The following ERC1 variants were observed in gnomAD, a reference collection of about 807,000 sequenced individuals.
The protein encoded by ERC1 is RAB6 interacting protein 2.
ERC1 carries 56 observed loss-of-function variants against 132.0 expected under a neutral mutation model. That is an observed-to-expected ratio of 0.42 (90% CI 0.34 to 0.53). The LOEUF is 0.53. Among genes scored for constraint, ERC1 ranks in the 20% least tolerant of loss-of-function variants. ERC1 has a pLI of 0.03. For missense variants in ERC1, 1,202 were observed against 1,349.9 expected (o/e 0.89, Z 1.72); for synonymous variants, 478 against 476.1 (o/e 1.00, Z -0.05).
chr12:1,354,151 G>A (rs1054359039), intron 15 of ERC1, among the ~76,000 whole-genome samples: 2 of 151,296 alleles, frequency 1.3e-5, no homozygotes, highest in African/African-American at 4.9e-5. Context: ...GTCTTTAATC[G>A]GGTCCTGATT....
At chr12:1,039,355 A>T (rs762128108) in intron 2 of ERC1, among the ~76,000 whole-genome samples, 4,173 of 147,188 alleles carry the variant, frequency 0.028, 107 homozygotes, top group African/African-American at 0.067. Context: ...AAAAAAAATA[A>T]AAATAAATAA....
rs370287516 is a variant in ERC1, at chr12:1,028,204, G to A, written c.301G>A (p.Gly101Ser). The stretch of plus-strand genomic sequence containing the variant: ...CCGTTCTGGGGGACGTCTGCCTTAC[G>A]GTGTTCGGATGACTGCTATGGGTAG... ...LGRSGGRLPY[G>S]VRMTAMGSSP... is the part of the protein sequence containing the mutation. The change falls in exon 2 of 19, where the codon GGT (glycine) becomes AGT (serine). Residue 101 changes from glycine (G) to serine (S), a missense_variant. Coordinates refer to ENST00000360905, the MANE Select transcript of ERC1 (RefSeq NM_178040.4). 6 of 1,614,178 alleles carry A rather than the reference G, an allele frequency of 3.7e-6. No individual in the cohort carries two copies. Among genetic ancestry groups the A allele is most frequent in the African/African-American group, 1.3e-5 (1 of 75,026 alleles).
rs201370363 is a variant in ERC1, at chr12:1,155,870, A to AT, written c.1737+14083_1737+14084insT. 5.5e-3 allele frequency among the ~76,000 whole-genome samples: 835 copies of AT among 152,046 alleles called. 7 individuals carry two copies. The highest frequency in any genetic ancestry group is 0.017 in the African/African-American group (699 of 41,486). On this transcript the variant is annotated intron_variant, in intron 8 of 18. Transcript: ENST00000360905. ...AGTAATATGTGTTCAAGGTAAAAAA[A>AT]AAATAAATAAATAAAAATAAAAATT...
chr12:1,309,366 A>G (rs2154349080), intron 15 of ERC1, among the ~76,000 whole-genome samples: 1 of 152,366 alleles, frequency 6.6e-6, no homozygotes, highest in African/African-American at 2.4e-5. Flanking sequence ...GGGGTGCTGC[A>G]GTGCACAATT....
Position 1,391,232 on chromosome 12 carries a change from A to AAGAATGGGGTGCTGCAATAT in ERC1, c.2926-16902_2926-16901insAATATAGAATGGGGTGCTGC, listed in dbSNP as rs1304518458. 1.2e-4 allele frequency: 18 copies of AAGAATGGGGTGCTGCAATAT among 152,228 alleles called. 1 individual carries two copies. Among genetic ancestry groups the AAGAATGGGGTGCTGCAATAT allele is most frequent in the African/African-American group, 4.3e-4 (18 of 41,526 alleles). The allele number at this position is 152,228 out of a possible 1,614,324, so 9.4% of individuals were successfully genotyped here. On this transcript the variant is annotated intron_variant, in intron 16 of 18. Coordinates refer to ENST00000360905, the MANE Select transcript of ERC1 (RefSeq NM_178040.4). ...TTCTTTGACACCACTCCAGCAGGGGAAGAATGGGGTGCTGCCTCAGTATTG... is the reference window on the plus strand; with the variant it reads ...TTCTTTGACACCACTCCAGCAGGGGAAGAATGGGGTGCTGCAATATAGAATGGGGTGCTGCCTCAGTATTG...
intron 7 of ERC1, among the ~76,000 whole-genome samples, chr12:1,125,461 C>T (rs1050570597): frequency 6.6e-6 from 1 of 151,960 alleles, no homozygotes; most frequent in Admixed American, 6.6e-5. Context: ...TAATTTAATC[C>T]TGCAGGGATA....
chr12:1,359,840 T>A (rs60485734), intron 15 of ERC1, among the ~76,000 whole-genome samples: 5,328 of 152,298 alleles, frequency 0.035, 346 homozygotes, highest in African/African-American at 0.12. Flanking sequence ...CTGTATATAT[T>A]TGTGTATCAC....
In ERC1 at chr12:1,196,830, CTG is replaced by C. The variant is rs1491032316; in HGVS notation, c.2351+6780_2351+6781del. Among the ~76,000 whole-genome samples the C allele has an allele frequency of 2.7e-3, 293 of 109,780 alleles. 5 individuals carry two copies. The highest frequency in any genetic ancestry group is 9.3e-3 in the Middle Eastern group (2 of 216). 72.0% of individuals were successfully genotyped at this position (109,780 alleles called of 152,430 possible). On this transcript the variant is annotated intron_variant, in intron 12 of 18. Coordinates refer to ENST00000360905, the MANE Select transcript of ERC1 (RefSeq NM_178040.4). ...TTTCTCTCTCTCTCTCTCTCTCTCT[CTG>C]TCTGTCTCTCTGTCTGTCTCTCTCT...
intron 12 of ERC1, among the ~76,000 whole-genome samples, chr12:1,225,523 A>G (rs1225302313): frequency 6.6e-6 from 1 of 151,756 alleles, no homozygotes; most frequent in Non-Finnish European, 1.5e-5. Context: ...GATGAGGGTA[A>G]TGAATTTCTT....
At chr12:1,167,872 A>T (rs1952591694) in intron 8 of ERC1, among the ~76,000 whole-genome samples, 1 of 151,536 alleles carries the variant, frequency 6.6e-6, no homozygotes. Flanking sequence ...GCGCGCCACC[A>T]CACCCTGCTA....
At chr12:992,133 G>C (rs1019010997) in intron 1 of ERC1, among the ~76,000 whole-genome samples, 2 of 152,104 alleles carry the variant, frequency 1.3e-5, no homozygotes, top group African/African-American at 4.8e-5. Context: ...GTCGCATTAC[G>C]CTTAGCTCCT....
intron 16 of ERC1, among the ~76,000 whole-genome samples, chr12:1,403,671 G>A (rs2091256250): frequency 6.6e-6 from 1 of 152,110 alleles, no homozygotes; most frequent in African/African-American, 2.4e-5. Flanking sequence ...ACTTGGATCA[G>A]TTTTTTTCAG....
chr12:1,366,279 A>G (rs1326325542), intron 15 of ERC1, among the ~76,000 whole-genome samples: 1 of 152,248 alleles, frequency 6.6e-6, no homozygotes, highest in Non-Finnish European at 1.5e-5. Flanking sequence ...CAGAAACATT[A>G]ATCAATTTTG....
At chr12:1,444,139 A>G (rs142525791) in intron 17 of ERC1, 1 of 154,800 alleles carries the variant, frequency 6.5e-6, no homozygotes, top group African/African-American at 2.4e-5. Context: ...GAGTATATGT[A>G]GTCCAGGCTT....
intron 2 of ERC1, among the ~76,000 whole-genome samples, chr12:1,056,362 G>T (rs1467093408): frequency 6.6e-6 from 1 of 151,652 alleles, no homozygotes; most frequent in Non-Finnish European, 1.5e-5. Flanking sequence ...CTAGGACGCA[G>T]ACACACAAAG....
upstream of ERC1, chr12:990,354 CCAAAAAAAAAA>C (rs1211971349): frequency 6.8e-6 from 1 of 147,156 alleles, no homozygotes; most frequent in Non-Finnish European, 1.5e-5. Flanking sequence ...CTGCATGGCT[CCAAAAAAAAAA>C]CAAAAAACAA....
intron 1 of ERC1, among the ~76,000 whole-genome samples, chr12:1,025,056 TG>T (rs1403304015): frequency 6.6e-6 from 1 of 152,204 alleles, no homozygotes; most frequent in Non-Finnish European, 1.5e-5. Flanking sequence ...TTGAGCATCC[TG>T]GGATTTTTGT....
intron 17 of ERC1, among the ~76,000 whole-genome samples, chr12:1,409,276 G>A (rs1409950158): frequency 1.3e-5 from 2 of 152,204 alleles, no homozygotes; most frequent in Non-Finnish European, 2.9e-5. Flanking sequence ...TCTGCCTGGT[G>A]TCAGCAGTCT....
chr12:1,394,046 C>CAAAAA lies in ERC1; in HGVS notation c.2926-14102_2926-14101insAAAAA, dbSNP rs1555389413. Among the ~76,000 whole-genome samples, 25 of 70,834 alleles carry CAAAAA rather than the reference C, an allele frequency of 3.5e-4. 2 individuals carry two copies. Among genetic ancestry groups the CAAAAA allele is most frequent in the Middle Eastern group, 0.01 (1 of 100 alleles). The allele number at this position is 70,834 out of a possible 152,430, so 46.5% of individuals were successfully genotyped here. On this transcript the variant is annotated intron_variant, in intron 16 of 18. Coordinates refer to ENST00000360905, the MANE Select transcript of ERC1 (RefSeq NM_178040.4). ...AAAAAAAAAAAAACAAAAAAAAAAC[C>CAAAAA]ACAAAGCATTAAGCAATTTAATTTC... is the stretch of plus-strand genomic sequence containing the variant.
Sources: gnomAD v4.1 joint callset for allele counts (sites outside exome capture counted in the v4.1 genomes callset) on GRCh38, gnomAD v4.1.1 for gene constraint, MANE v1.5 for transcripts, NCBI Gene and HGNC (gene_info 2026-07-23, HGNC 2026-07-21) for gene names.